The following WNT7B variants were observed in gnomAD, a reference collection of about 807,000 sequenced individuals.
The protein encoded by WNT7B is Wnt family member 7B, also known as protein Wnt-7b.
In WNT7B, 19 loss-of-function variants were observed where a neutral mutation model predicts 38.2. That is an observed-to-expected ratio of 0.50 (90% confidence interval 0.35 to 0.73). The LOEUF (loss-of-function observed/expected upper bound fraction) is 0.73. Among genes scored for constraint, WNT7B ranks in the 30% least tolerant of loss-of-function variants. WNT7B has a pLI of 0.01. For synonymous variants in WNT7B, 243 were observed against 209.3 expected (o/e 1.16, Z -1.39); for missense variants, 423 against 507.9 (o/e 0.83, Z 1.61).
chr22:45,962,029 C>T lies in WNT7B; in HGVS notation c.72-11883G>A, dbSNP rs183401051. Among the ~76,000 whole-genome samples the T allele has an allele frequency of 2.2e-3, 331 of 152,340 alleles. 1 individual carries two copies. The highest frequency in any genetic ancestry group is 7.6e-3 in the African/African-American group (314 of 41,566). On this transcript the variant is annotated intron_variant, in intron 1 of 3. Coordinates refer to ENST00000339464, the MANE Select transcript of WNT7B (RefSeq NM_058238.3). ...AGTGTTCCCAGGGAAGGGAGCAGAG[C>T]GTCCGCTTGCTCCCTCGCGCCCCCG...
intron 1 of WNT7B, among the ~76,000 whole-genome samples, chr22:45,952,563 G>A (rs908650950): frequency 6.6e-6 from 1 of 152,260 alleles, no homozygotes; most frequent in Non-Finnish European, 1.5e-5. Flanking sequence ...AACCCTGCCG[G>A]GCACCCTGTT....
In WNT7B at chr22:45,976,273, A is replaced by T. The variant is rs1932548937; in HGVS notation, c.71+411T>A. ...CCTCCCGGGCCTCCGCAGGCGCCGG[A>T]CGCCCCCCGACCCCGCCCCGGCGCA... On this transcript the variant is annotated intron_variant, in intron 1 of 3. Coordinates refer to ENST00000339464, the MANE Select transcript of WNT7B (RefSeq NM_058238.3). This position sits in a 1 kb window ranked among gnomAD's most constrained non-coding sequence, Gnocchi z 8.5. Among the ~76,000 whole-genome samples, 1 of 146,434 alleles carries T rather than the reference A, an allele frequency of 6.8e-6. No homozygotes were observed. The highest frequency in any genetic ancestry group is 1.5e-5 in the Non-Finnish European group (1 of 65,944).
At chr22:45,926,217 C>T in intron 3 of WNT7B, 1 of 985,412 alleles carries the variant, frequency 1.0e-6, no homozygotes, top group Non-Finnish European at 1.2e-6. Context: ...TTCTCCAGTG[C>T]CCTGGGCATT....
intron 1 of WNT7B, among the ~76,000 whole-genome samples, chr22:45,974,670 A>T (rs1274034527): frequency 6.6e-6 from 1 of 152,134 alleles, no homozygotes; most frequent in Admixed American, 6.5e-5. Flanking sequence ...GGGCAGAGCC[A>T]GGGCCACACA....
chr22:45,922,787 A>G lies in WNT7B; in HGVS notation c.*69T>C. On this transcript the variant is annotated 3_prime_UTR_variant, in exon 4 of 4. Coordinates refer to ENST00000339464, the MANE Select transcript of WNT7B (RefSeq NM_058238.3). The stretch of plus-strand genomic sequence containing the variant: ...TGCTGCTGGCAGCACCAAGGCAGGG[A>G]AGGTGAGGAGTGGATGTGCAAAATG... 1 of 1,542,574 alleles carries G rather than the reference A, an allele frequency of 6.5e-7. No individual in the cohort carries two copies. Among genetic ancestry groups the G allele is most frequent in the Non-Finnish European group, 8.8e-7 (1 of 1,142,760 alleles).
At chr22:45,924,083 G>A (rs76014554) in intron 3 of WNT7B, among the ~76,000 whole-genome samples, 5,020 of 152,300 alleles carry the variant, frequency 0.033, 288 homozygotes, top group African/African-American at 0.11. Flanking sequence ...TCATTTACCC[G>A]GATCGAAAGG....
intron 2 of WNT7B, among the ~76,000 whole-genome samples, chr22:45,932,422 C>CCG (rs1334651848): frequency 2.6e-5 from 4 of 152,244 alleles, no homozygotes; most frequent in South Asian, 2.1e-4. Context: ...CCAGACCCCC[C>CCG]CCGCCAGAAG....
intron 3 of WNT7B, among the ~76,000 whole-genome samples, chr22:45,929,958 A>C (rs990137111): frequency 6.6e-6 from 1 of 150,912 alleles, no homozygotes; most frequent in African/African-American, 2.5e-5. Flanking sequence ...CCATCCACTC[A>C]TACATCTATC....
rs989800121 is a variant in WNT7B at position 45,976,763 on chromosome 22, G to C, written c.-9C>G. ...CGAAAGTTTCTGTGCATGATCCAGG[G>C]AGGGGGGCTGCGCCATAGACAGCGG... On this transcript the variant is annotated 5_prime_UTR_variant, in exon 1 of 4. Coordinates refer to ENST00000339464, the MANE Select transcript of WNT7B (RefSeq NM_058238.3). The surrounding 1 kb of genome is among the most constrained non-coding windows in gnomAD (Gnocchi z 8.5). The C allele has an allele frequency of 2.5e-6, 4 of 1,604,580 alleles. No individual in the cohort carries two copies. The African/African-American group carries it at 5.4e-5, about 22-fold the overall frequency.
chr22:45,970,613 C>T (rs1363038210), intron 1 of WNT7B, among the ~76,000 whole-genome samples: 1 of 152,106 alleles, frequency 6.6e-6, no homozygotes, highest in African/African-American at 2.4e-5. Flanking sequence ...CTATGAACAC[C>T]GAACCTCAGC....
chr22:45,955,767 A>T (rs367569480), intron 1 of WNT7B, among the ~76,000 whole-genome samples: 3 of 152,102 alleles, frequency 2.0e-5, no homozygotes, highest in South Asian at 2.1e-4. Context: ...CACTGCAGGG[A>T]GGGCGCTTAT....
At chr22:45,929,662 ACCC>A (rs1931243051) in intron 3 of WNT7B, among the ~76,000 whole-genome samples, 1 of 112,698 alleles carries the variant, frequency 8.9e-6, no homozygotes, top group Non-Finnish European at 1.9e-5. Flanking sequence ...CCTTCCACCC[ACCC>A]GCCCATCCTT....
In WNT7B at chr22:45,966,255, C is replaced by G. The variant is rs1240459078; in HGVS notation, c.71+10429G>C. ...AGGGCAGGCAGTGCATTCTGGAGGACTTCCCAATTGGAAGGGGCTTTGCCA... is the reference window on the plus strand; with the variant it reads ...AGGGCAGGCAGTGCATTCTGGAGGAGTTCCCAATTGGAAGGGGCTTTGCCA... On this transcript the variant is annotated intron_variant, in intron 1 of 3. Coordinates refer to ENST00000339464, the MANE Select transcript of WNT7B (RefSeq NM_058238.3). This position sits in a 1 kb window ranked among gnomAD's most constrained non-coding sequence, Gnocchi z 4.2. 1.3e-5 allele frequency among the ~76,000 whole-genome samples: 2 copies of G among 152,246 alleles called. No individual in the cohort carries two copies. The highest frequency in any genetic ancestry group is 4.8e-5 in the African/African-American group (2 of 41,468).
chr22:45,935,536 C>T (rs549405987), intron 2 of WNT7B, among the ~76,000 whole-genome samples: 4 of 152,292 alleles, frequency 2.6e-5, no homozygotes, highest in South Asian at 2.1e-4. Flanking sequence ...AGGCTCTGGA[C>T]GCAGGGAGGG....
intron 3 of WNT7B, among the ~76,000 whole-genome samples, chr22:45,929,392 C>A (rs558206503): frequency 2.1e-5 from 3 of 145,076 alleles, no homozygotes; most frequent in Admixed American, 6.7e-5. Flanking sequence ...ACTCACCCAT[C>A]CATCCTTCCA....
rs1333828890 is a variant in WNT7B, at chr22:45,951,642, G to GCACA, written c.72-1497_72-1496insTGTG. ...TCCTATGGATGGAACCATTCATTGTGTGACCTTTGGCGTCTGGCTTCTTTC... is the reference window on the plus strand; with the variant it reads ...TCCTATGGATGGAACCATTCATTGTGCACATGACCTTTGGCGTCTGGCTTCTTTC... On this transcript the variant is annotated intron_variant, in intron 1 of 3. Transcript: ENST00000339464. The surrounding 1 kb of genome is among the most constrained non-coding windows in gnomAD (Gnocchi z 4.8). Among the ~76,000 whole-genome samples, 9 of 152,122 alleles carry GCACA rather than the reference G, an allele frequency of 5.9e-5. No homozygotes were observed. Among genetic ancestry groups the GCACA allele is most frequent in the Non-Finnish European group, 7.3e-5 (5 of 68,030 alleles).
chr22:45,950,175 A>G, intron 1 of WNT7B, 29 bp from the exon 2 acceptor site: 1 of 1,594,272 alleles, frequency 6.3e-7, no homozygotes, highest in Non-Finnish European at 8.6e-7. Context: ...AGAGGCCGTG[A>G]GACGGCGGCG....
At chr22:45,927,968 G>A (rs1931145387) in intron 3 of WNT7B, among the ~76,000 whole-genome samples, 1 of 152,236 alleles carries the variant, frequency 6.6e-6, no homozygotes, top group Non-Finnish European at 1.5e-5. Context: ...GGGCTGGAGG[G>A]ATGTGGCCAC....
Position 45,948,354 on chromosome 22 carries a change from G to A in WNT7B, c.298+1566C>T, listed in dbSNP as rs141527706. Among the ~76,000 whole-genome samples the A allele has an allele frequency of 8.0e-3, 1,212 of 152,238 alleles. 7 individuals are homozygous for A. Among genetic ancestry groups the A allele is most frequent in the Non-Finnish European group, 0.012 (796 of 68,004 alleles). ...CTTGGGTGGTGGGGCCCCAGGGAGCGGGCGGTGCCACCCTCTTCGCTGTGC... is the reference window on the plus strand; with the variant it reads ...CTTGGGTGGTGGGGCCCCAGGGAGCAGGCGGTGCCACCCTCTTCGCTGTGC... On this transcript the variant is annotated intron_variant, in intron 2 of 3. Coordinates refer to ENST00000339464, the MANE Select transcript of WNT7B (RefSeq NM_058238.3).
Sources: gnomAD v4.1 joint callset for allele counts (sites outside exome capture counted in the v4.1 genomes callset) on GRCh38, gnomAD v4.1.1 for gene constraint, Gnocchi (gnomAD v3.1) non-coding constraint, MANE v1.5 for transcripts, NCBI Gene and HGNC (gene_info 2026-07-23, HGNC 2026-07-21) for gene names.